The following MARK1 variants were observed in gnomAD, a reference collection of about 807,000 sequenced individuals.
The protein encoded by MARK1 is microtubule affinity regulating kinase 1, also known as serine/threonine-protein kinase MARK1.
Under a neutral mutation model 96.3 loss-of-function variants are expected in MARK1, and 40 were observed. That is an observed-to-expected ratio of 0.42 (90% CI 0.32 to 0.54). MARK1 has a LOEUF of 0.54. Ranked by LOEUF, MARK1 falls within the 20% of genes least tolerant of loss-of-function variation. The pLI is 0.16. For synonymous variants in MARK1, 317 were observed against 341.2 expected, an observed-to-expected ratio of 0.93 and a Z score of 0.78; for missense variants, 719 against 984.6, an observed-to-expected ratio of 0.73 and a Z score of 3.61.
At chr1:220,656,426 A>G (rs759400206) in intron 16 of MARK1, among the ~76,000 whole-genome samples, 4 of 152,220 alleles carry the variant, frequency 2.6e-5, no homozygotes, top group Non-Finnish European at 5.9e-5. Flanking sequence ...CTAATAGTGA[A>G]TAATAAAGCA....
intron 9 of MARK1, among the ~76,000 whole-genome samples, chr1:220,623,681 A>C (rs1667165123): frequency 6.6e-6 from 1 of 152,142 alleles, no homozygotes; most frequent in Admixed American, 6.5e-5. Flanking sequence ...CTAGCCTCAA[A>C]TCTAGTTTTA....
intron 1 of MARK1, among the ~76,000 whole-genome samples, chr1:220,532,619 C>T (rs1175339590): frequency 1.3e-5 from 2 of 152,306 alleles, no homozygotes; most frequent in East Asian, 1.9e-4. Context: ...TTCTATCCTT[C>T]AAGGTGAATA....
At chr1:220,607,478 T>A (rs1486644675) in intron 6 of MARK1, among the ~76,000 whole-genome samples, 7 of 152,080 alleles carry the variant, frequency 4.6e-5, no homozygotes, top group African/African-American at 1.7e-4. Context: ...AACAGGGACC[T>A]CTTGACTTCC....
At chr1:220,641,910 A>G (rs142103221) in intron 13 of MARK1, among the ~76,000 whole-genome samples, 171 of 152,158 alleles carry the variant, frequency 1.1e-3, no homozygotes, top group African/African-American at 3.9e-3. Context: ...GATTTTTGCA[A>G]CTCATGGATC....
intron 5 of MARK1, among the ~76,000 whole-genome samples, chr1:220,602,188 A>C (rs980900398): frequency 6.6e-6 from 1 of 152,240 alleles, no homozygotes; most frequent in African/African-American, 2.4e-5. Flanking sequence ...ATTCTGGTTC[A>C]CTAATGGAAT....
At chr1:220,538,796 T>G (rs1365725418) in intron 1 of MARK1, among the ~76,000 whole-genome samples, 1 of 152,112 alleles carries the variant, frequency 6.6e-6, no homozygotes, top group East Asian at 1.9e-4. Flanking sequence ...CCCTTGTAAG[T>G]TGGATTCCTA....
chr1:220,621,733 G>T (rs1168710388), intron 9 of MARK1, among the ~76,000 whole-genome samples: 1 of 151,974 alleles, frequency 6.6e-6, no homozygotes, highest in Admixed American at 6.6e-5. Context: ...TTAGTGTCAT[G>T]AATTATTGAT....
At position 220,604,087 on chromosome 1, in the gene MARK1, G is replaced by C; in HGVS notation, c.445G>C (p.Val149Leu). The stretch of plus-strand genomic sequence containing the variant: ...TTCAGGTGAAGTATTTGATTACTTA[G>C]TTGCCCATGGAAGAATGAAAGAGAA... ...ASGGEVFDYL[V>L]AHGRMKEKEA... is the part of the protein sequence containing the mutation. Residue 149 changes from valine to leucine, a missense_variant, in exon 6 of 18, where the codon GTT becomes CTT. By Grantham distance (32) the Val-to-Leu change is conservative. Transcript: ENST00000366917. 1.2e-6 allele frequency: 2 copies of C among 1,610,736 alleles called. No homozygotes were observed. Among genetic ancestry groups the C allele is most frequent in the Non-Finnish European group, 1.7e-6 (2 of 1,178,190 alleles).
chr1:220,642,738 C>T (rs1266187729), intron 13 of MARK1, among the ~76,000 whole-genome samples: 1 of 152,168 alleles, frequency 6.6e-6, no homozygotes, highest in African/African-American at 2.4e-5. Flanking sequence ...CATCAGGTTG[C>T]TGCCCCTCTG....
chr1:220,552,308 A>G (rs1029413019), intron 1 of MARK1, among the ~76,000 whole-genome samples: 2 of 152,338 alleles, frequency 1.3e-5, no homozygotes, highest in African/African-American at 2.4e-5. Flanking sequence ...CACTAAGGAT[A>G]ATAGTGAGAA....
chr1:220,573,602 C>A (rs139883330), intron 1 of MARK1, among the ~76,000 whole-genome samples: 75 of 152,250 alleles, frequency 4.9e-4, no homozygotes, highest in African/African-American at 1.8e-3. Flanking sequence ...GGATTACAGG[C>A]ATGAGCCACT....
chr1:220,633,029 G>T (rs576371613), intron 11 of MARK1, among the ~76,000 whole-genome samples: 2 of 152,314 alleles, frequency 1.3e-5, no homozygotes, highest in East Asian at 3.9e-4. Context: ...GTGAGGGGGA[G>T]CCAGCATGTC....
At chr1:220,622,078 A>T (rs1035815550) in intron 9 of MARK1, among the ~76,000 whole-genome samples, 1 of 152,192 alleles carries the variant, frequency 6.6e-6, no homozygotes, top group African/African-American at 2.4e-5. Flanking sequence ...TGGAACTTCC[A>T]TGTGTTATAC....
intron 13 of MARK1, among the ~76,000 whole-genome samples, chr1:220,639,379 C>T (rs917215237): frequency 9.2e-5 from 14 of 151,898 alleles, no homozygotes; most frequent in African/African-American, 1.7e-4. Flanking sequence ...TAATTTATTT[C>T]ACTTATAATA....
chr1:220,594,691 C>T (rs1007744157), intron 3 of MARK1, among the ~76,000 whole-genome samples: 17 of 152,004 alleles, frequency 1.1e-4, no homozygotes, highest in Admixed American at 3.9e-4. Flanking sequence ...TAATTTAGCA[C>T]TAAAGGGAAA....
chr1:220,619,203 G>A (rs553210391), intron 9 of MARK1, among the ~76,000 whole-genome samples: 4 of 152,284 alleles, frequency 2.6e-5, no homozygotes, highest in African/African-American at 9.6e-5. Context: ...GGCTGGGCAC[G>A]GTGGCTCACG....
chr1:220,627,077 A>T, intron 9 of MARK1: 1 of 535,718 alleles, frequency 1.9e-6, no homozygotes, highest in Non-Finnish European at 3.8e-6. Context: ...CACGAATGGT[A>T]CTTGGAGAAG....
In MARK1 at chr1:220,662,109, G is replaced by T; in HGVS notation, c.2331G>T (p.Gly777=). 1 of 1,614,106 alleles carries T rather than the reference G, an allele frequency of 6.2e-7. No homozygotes were observed. Among genetic ancestry groups the T allele is most frequent in the South Asian group, 1.1e-5 (1 of 91,080 alleles). The change falls in exon 18 of 18, where the codon GGG becomes GGT. Residue 777 remains glycine (G), a synonymous_variant. Coordinates refer to ENST00000366917, the MANE Select transcript of MARK1 (RefSeq NM_018650.5). ...GGGTTCGCTTCAAGCGAATATCTGG[G>T]ACATCTATTGCCTTTAAGAACATTG... ...LNGVRFKRIS[G]TSIAFKNIAS...
chr1:220,598,238 A>C, intron 3 of MARK1, 93 bp from the exon 4 acceptor site: 1 of 448,992 alleles, frequency 2.2e-6, no homozygotes. Context: ...GCATTTTGTA[A>C]GCAGATTAAT....
Sources: gnomAD v4.1 joint callset for allele counts (sites outside exome capture counted in the v4.1 genomes callset) on GRCh38, gnomAD v4.1.1 for gene constraint, MANE v1.5 for transcripts, NCBI Gene and HGNC (gene_info 2026-07-23, HGNC 2026-07-21) for gene names.